The following TRAK2 variants were observed in gnomAD, a reference collection of about 807,000 sequenced individuals.
TRAK2 encodes the protein trafficking kinesin protein 2, also known as trafficking kinesin-binding protein 2.
Under a neutral mutation model 104.6 loss-of-function variants are expected in TRAK2, and 81 were observed. That is an observed-to-expected ratio of 0.77 (90% CI 0.65 to 0.93). The LOEUF (loss-of-function observed/expected upper bound fraction) is 0.93, where lower values mean the gene tolerates loss of function less well. Among genes scored for constraint, TRAK2 ranks in the 40% least tolerant of loss-of-function variants. The pLI is 0.00. For missense variants in TRAK2, 1,002 were observed against 1,089.0 expected (o/e 0.92, Z 1.12); for synonymous variants, 406 against 394.4 (o/e 1.03, Z -0.35).
At chr2:201,399,120 T>A (rs182645725) in intron 5 of TRAK2, among the ~76,000 whole-genome samples, 13 of 152,230 alleles carry the variant, frequency 8.5e-5, no homozygotes, top group African/African-American at 2.9e-4. Flanking sequence ...TGGATAGTTT[T>A]AATATCTAAG....
intron 13 of TRAK2, among the ~76,000 whole-genome samples, chr2:201,386,790 C>T (rs1206336114): frequency 6.6e-6 from 1 of 152,058 alleles, no homozygotes; most frequent in Non-Finnish European, 1.5e-5. Flanking sequence ...AGATACGTGC[C>T]TAAGAGGTGG....
chr2:201,398,027 C>T, intron 6 of TRAK2, 118 bp downstream of exon 6: 1 of 961,734 alleles, frequency 1.0e-6, no homozygotes, highest in Non-Finnish European at 1.6e-6. Context: ...GTCCACGACT[C>T]TCTAATTGGA....
intron 1 of TRAK2, among the ~76,000 whole-genome samples, chr2:201,433,038 T>C (rs1951854543): frequency 6.6e-6 from 1 of 152,170 alleles, no homozygotes; most frequent in African/African-American, 2.4e-5. Context: ...CATAAAATAA[T>C]ATATTTTTGA....
Position 201,420,529 on chromosome 2 carries a change from G to T in TRAK2, c.-22C>A, listed in dbSNP as rs775826377. The stretch of plus-strand genomic sequence containing the variant: ...TCATGCAGGATCCTTTCTTGCTTTG[G>T]TTGAGAAGGACAGCTTTGGTATGAA... On this transcript the variant is annotated 5_prime_UTR_variant, in exon 2 of 16. Coordinates refer to ENST00000332624, the MANE Select transcript of TRAK2 (RefSeq NM_015049.3). 1 of 1,594,860 alleles carries T rather than the reference G, an allele frequency of 6.3e-7. No homozygotes were observed. The highest frequency in any genetic ancestry group is 8.6e-7 in the Non-Finnish European group (1 of 1,162,742).
chr2:201,388,450 T>A (rs1045346802), intron 12 of TRAK2, among the ~76,000 whole-genome samples: 1 of 152,096 alleles, frequency 6.6e-6, no homozygotes, highest in African/African-American at 2.4e-5. Context: ...CATAATAATT[T>A]AAAAAATATT....
intron 1 of TRAK2, among the ~76,000 whole-genome samples, chr2:201,446,985 T>C (rs948213250): frequency 3.3e-5 from 5 of 152,242 alleles, no homozygotes; most frequent in Admixed American, 6.5e-5. Context: ...CCCTTTATAA[T>C]GTTATATTAA....
intron 7 of TRAK2, 98 bp from the exon 8 acceptor site, chr2:201,395,542 T>C: frequency 1.6e-6 from 2 of 1,219,574 alleles, no homozygotes; most frequent in Non-Finnish European, 2.2e-6. Flanking sequence ...TAACAAGCAC[T>C]GGACTGTCGT....
intron 1 of TRAK2, among the ~76,000 whole-genome samples, chr2:201,424,724 T>A (rs1316987334): frequency 6.6e-6 from 1 of 152,064 alleles, no homozygotes; most frequent in Non-Finnish European, 1.5e-5. Context: ...TGCCTCAGCC[T>A]CCCGAGTAGC....
chr2:201,437,994 T>C (rs1951891488), intron 1 of TRAK2, among the ~76,000 whole-genome samples: 1 of 152,234 alleles, frequency 6.6e-6, no homozygotes, highest in Non-Finnish European at 1.5e-5. Flanking sequence ...CTGGCTTATT[T>C]ATTATTCTTT....
At chr2:201,413,144 C>CT in intron 2 of TRAK2, 1 of 1,432,588 alleles carries the variant, frequency 7.0e-7, no homozygotes, top group Non-Finnish European at 9.7e-7. Context: ...GCTTTGTTGA[C>CT]TTTTTTGTGC....
intron 3 of TRAK2, 88 bp from the exon 4 acceptor site, chr2:201,401,182 A>C: frequency 1.3e-6 from 1 of 799,864 alleles, no homozygotes; most frequent in Non-Finnish European, 1.9e-6. Flanking sequence ...AACAACAACA[A>C]AAACCCCAGC....
intron 2 of TRAK2, chr2:201,411,167 T>C (rs1163805435): frequency 5.3e-6 from 4 of 754,354 alleles, no homozygotes; most frequent in African/African-American, 1.7e-5. Context: ...TATCCATCAA[T>C]GTGTCTGTCA....
rs557748459 is a variant in TRAK2, at chr2:201,446,935, T to C, written c.-200+4415A>G. On this transcript the variant is annotated intron_variant, in intron 1 of 15. Transcript: ENST00000332624. The stretch of plus-strand genomic sequence containing the variant: ...GGTACAAACAGCTATATACAAATTC[T>C]TTCCCTATCTTCTTATGTACACCCT... Among the ~76,000 whole-genome samples the C allele has an allele frequency of 1.6e-4, 25 of 152,330 alleles. No homozygotes were observed. In the South Asian group the frequency reaches 5.2e-3, roughly 32 times the overall value.
chr2:201,449,920 C>T (rs1031502838), intron 1 of TRAK2, among the ~76,000 whole-genome samples: 7 of 151,988 alleles, frequency 4.6e-5, no homozygotes, highest in African/African-American at 1.7e-4. Flanking sequence ...CTTGAACTCT[C>T]CACCTCAGGA....
At chr2:201,412,478 T>C (rs929638917) in intron 2 of TRAK2, 7 of 1,154,534 alleles carry the variant, frequency 6.1e-6, no homozygotes, top group Non-Finnish European at 9.1e-6. Flanking sequence ...AACTGCCTAC[T>C]GAAACTCTTA....
At chr2:201,443,150 T>A (rs1219211257) in intron 1 of TRAK2, among the ~76,000 whole-genome samples, 2 of 152,158 alleles carry the variant, frequency 1.3e-5, no homozygotes, top group Non-Finnish European at 2.9e-5. Context: ...CCCTCTGTCC[T>A]TACTCAAGCT....
At chr2:201,415,730 G>A (rs890964655) in intron 2 of TRAK2, among the ~76,000 whole-genome samples, 1 of 152,074 alleles carries the variant, frequency 6.6e-6, no homozygotes, top group Non-Finnish European at 1.5e-5. Context: ...AACATCAGTG[G>A]CTGTGTCATA....
chr2:201,411,149 T>C (rs1489586923), intron 2 of TRAK2: 1 of 781,752 alleles, frequency 1.3e-6, no homozygotes, highest in Non-Finnish European at 2.2e-6. Context: ...TAGTCAAAGA[T>C]GACATATTAT....
At chr2:201,395,572 AT>A in intron 7 of TRAK2, 128 bp from the exon 8 acceptor site, 1 of 957,186 alleles carries the variant, frequency 1.0e-6, no homozygotes, top group Non-Finnish European at 1.4e-6. Flanking sequence ...TTTCTTAAAC[AT>A]AAAAAAAAAT....
Sources: allele counts gnomAD v4.1 joint callset (sites outside exome capture counted in the v4.1 genomes callset), GRCh38; gene constraint gnomAD v4.1.1; transcripts MANE v1.5; gene names NCBI Gene and HGNC (gene_info 2026-07-23, HGNC 2026-07-21).